The following C4orf51 variants were observed in gnomAD, a reference collection of about 807,000 sequenced individuals.
The protein encoded by C4orf51 is uncharacterized protein C4orf51.
In C4orf51, 25 loss-of-function variants were observed where a neutral mutation model predicts 25.2. That is an observed-to-expected ratio of 0.99 (90% CI 0.72 to 1.39). C4orf51 has a LOEUF of 1.39. Among genes scored for constraint, C4orf51 ranks in the 40% most tolerant of loss-of-function variants. The pLI is 0.00. For synonymous variants in C4orf51, 100 were observed against 84.5 expected, an observed-to-expected ratio of 1.18 and a Z score of -1.01; for missense variants, 252 against 239.6, an observed-to-expected ratio of 1.05 and a Z score of -0.34.
the C4orf51 span, among the ~76,000 whole-genome samples, chr4:145,782,296 G>GA: frequency 1.3e-5 from 2 of 152,214 alleles, no homozygotes; most frequent in African/African-American, 4.8e-5. Flanking sequence ...GCAGTCGGGG[G>GA]AGGAGTATTA....
chr4:145,752,173 G>C (rs899451619), intron 1 of C4orf51, among the ~76,000 whole-genome samples: 2 of 152,184 alleles, frequency 1.3e-5, no homozygotes, highest in African/African-American at 4.8e-5. Flanking sequence ...TAAGGTTCAA[G>C]ACAAAGTCCC....
intron 2 of C4orf51, among the ~76,000 whole-genome samples, chr4:145,706,635 A>G (rs1410996898): frequency 2.6e-5 from 4 of 152,126 alleles, no homozygotes; most frequent in Non-Finnish European, 5.9e-5. Flanking sequence ...CCTGTTACAA[A>G]AGAAAACAGA....
intron 1 of C4orf51, among the ~76,000 whole-genome samples, chr4:145,684,236 A>C (rs1215403933): frequency 6.6e-6 from 1 of 152,200 alleles, no homozygotes. Flanking sequence ...TAATCCCAGC[A>C]CTTTGGGAGG....
At chr4:145,693,062 C>A (rs542977747) in intron 1 of C4orf51, among the ~76,000 whole-genome samples, 239 of 101,968 alleles carry the variant, frequency 2.3e-3, no homozygotes, top group Middle Eastern at 0.019. Flanking sequence ...ATTGATAATT[C>A]TTGGGTGTTT....
In C4orf51 at chr4:145,765,952, A is replaced by G. The variant is rs1735220849; in HGVS notation, n.167-5036A>G. On this transcript the variant is annotated intron_variant and non_coding_transcript_variant, in intron 1 of 1. Transcript: ENST00000510096. The surrounding 1 kb of genome is among the most constrained non-coding windows in gnomAD (Gnocchi z 4.7). ...CCAAGAGCAGGCATTCATTAATTTG[A>G]CAAGTGTTTATTAAGGTCTTACATG... Among the ~76,000 whole-genome samples the G allele has an allele frequency of 6.6e-6, 1 of 152,152 alleles. No individual in the cohort carries two copies. The highest frequency in any genetic ancestry group is 6.5e-5 in the Admixed American group (1 of 15,278).
Position 145,685,542 on chromosome 4 carries a change from G to A in C4orf51, c.233+5106G>A, listed in dbSNP as rs540704183. Among the ~76,000 whole-genome samples the A allele has an allele frequency of 9.9e-5, 15 of 152,228 alleles. No individual in the cohort carries two copies. The East Asian group carries it at 1.5e-3, about 16-fold the overall frequency. ...GGTCGTGCTCAATTGAGCAAGCAGC[G>A]GGTAACGTGACTGGGGGCTGCATGC... On this transcript the variant is annotated intron_variant, in intron 1 of 5. Transcript: ENST00000438731.
chr4:145,696,633 G>C lies in C4orf51; in HGVS notation c.307+1G>C, dbSNP rs754697391. ...ACCCAAGAGACTACAGATATCAAAG[G>C]TAAGTGCAACATGATCAGTTTCTGG... On this transcript the variant is annotated splice_donor_variant, in intron 2 of 5. Coordinates refer to ENST00000438731, the MANE Select transcript of C4orf51 (RefSeq NM_001080531.3). LOFTEE classifies it high-confidence loss of function. The C allele has an allele frequency of 1.7e-5, 27 of 1,611,320 alleles. No homozygotes were observed. The South Asian group carries it at 3.0e-4, about 18-fold the overall frequency.
At chr4:145,692,978 T>TTTTTTTTC in intron 1 of C4orf51, among the ~76,000 whole-genome samples, 1 of 122,830 alleles carries the variant, frequency 8.1e-6, no homozygotes, top group Admixed American at 8.2e-5. Flanking sequence ...TTTTTTTTTT[T>TTTTTTTTC]TGTAAGTCCC....
intron 1 of C4orf51, among the ~76,000 whole-genome samples, chr4:145,689,973 G>C (rs547298924): frequency 8.6e-5 from 13 of 151,936 alleles, no homozygotes; most frequent in African/African-American, 3.1e-4. Context: ...GGGAGGCCTA[G>C]GTGGGCGGAT....
chr4:145,729,989 G>T, intron 5 of C4orf51, 24 bp downstream of exon 5: 1 of 1,603,234 alleles, frequency 6.2e-7, no homozygotes, highest in Non-Finnish European at 8.5e-7. Flanking sequence ...TACTTGCCAT[G>T]CAACAGTGGA....
intron 2 of C4orf51, among the ~76,000 whole-genome samples, chr4:145,705,471 C>T (rs943857876): frequency 6.6e-6 from 1 of 152,150 alleles, no homozygotes; most frequent in African/African-American, 2.4e-5. Context: ...ACATTTTCCC[C>T]CTCAAGAGTC....
At chr4:145,779,222 C>T in the C4orf51 span, 2 of 1,042,176 alleles carry the variant, frequency 1.9e-6, no homozygotes, top group Non-Finnish European at 1.3e-6. Flanking sequence ...TTTCCAAGGT[C>T]TTCTTTAAAC....
At chr4:145,720,896 T>A (rs185017707) in intron 2 of C4orf51, among the ~76,000 whole-genome samples, 39 of 152,336 alleles carry the variant, frequency 2.6e-4, no homozygotes, top group African/African-American at 9.4e-4. Flanking sequence ...GCCCAAGGTT[T>A]GCAACAAAGG....
chr4:145,768,079 G>C (rs1735589568), intron 1 of C4orf51, among the ~76,000 whole-genome samples: 1 of 152,204 alleles, frequency 6.6e-6, no homozygotes, highest in African/African-American at 2.4e-5. Flanking sequence ...TAGGAGGAGA[G>C]AAATGGAAGT....
At chr4:145,735,430 A>C (rs1486945730), downstream of C4orf51, among the ~76,000 whole-genome samples, 1 of 152,226 alleles carries the variant, frequency 6.6e-6, no homozygotes, top group Non-Finnish European at 1.5e-5. Flanking sequence ...TCTGTTACTA[A>C]GAGACAGACT....
Position 145,761,464 on chromosome 4 carries a change from G to T in C4orf51, n.167-9524G>T. 7.8e-7 allele frequency: 1 copy of T among 1,289,840 alleles called. No individual in the cohort carries two copies. Among genetic ancestry groups the T allele is most frequent in the Non-Finnish European group, 1.0e-6 (1 of 988,866 alleles). The allele number at this position is 1,289,840 out of a possible 1,614,324, so 79.9% of individuals were successfully genotyped here. ...GTGGTTGCCCAGGCGGTGCTCCCGGGTGTGCGTCTCCAGCTCCAGCTGGTT... is the reference window on the plus strand; with the variant it reads ...GTGGTTGCCCAGGCGGTGCTCCCGGTTGTGCGTCTCCAGCTCCAGCTGGTT... On this transcript the variant is annotated intron_variant and non_coding_transcript_variant, in intron 1 of 1. Coordinates refer to the C4orf51 transcript ENST00000510096. The surrounding 1 kb of genome is among the most constrained non-coding windows in gnomAD (Gnocchi z 6.8).
chr4:145,764,707 G>A lies in C4orf51; in HGVS notation n.167-6281G>A, dbSNP rs139446851. On this transcript the variant is annotated intron_variant and non_coding_transcript_variant, in intron 1 of 1. Coordinates refer to the C4orf51 transcript ENST00000510096. ...GTCTGAACAAAACTCAAGCAGTGTA[G>A]TCTATTCTTGCATGCTGGGTTGTTT... 1,092 of 449,902 alleles carry A rather than the reference G, an allele frequency of 2.4e-3. 10 individuals are homozygous for A. The highest frequency in any genetic ancestry group is 0.02 in the African/African-American group (992 of 50,716). 27.9% of individuals were successfully genotyped at this position (449,902 alleles called of 1,614,324 possible).
At chr4:145,712,624 A>G (rs1436806971) in intron 2 of C4orf51, among the ~76,000 whole-genome samples, 1 of 152,250 alleles carries the variant, frequency 6.6e-6, no homozygotes, top group Admixed American at 6.5e-5. Flanking sequence ...CATGTAAAGA[A>G]AGAAGCAATC....
intron 2 of C4orf51, among the ~76,000 whole-genome samples, chr4:145,700,318 C>T (rs995541130): frequency 6.6e-6 from 1 of 151,850 alleles, no homozygotes; most frequent in African/African-American, 2.4e-5. Context: ...GGTAAGAACC[C>T]CCAAATCCCT....
Sources: allele counts gnomAD v4.1 joint callset (sites outside exome capture counted in the v4.1 genomes callset), GRCh38; gene constraint gnomAD v4.1.1; non-coding constraint Gnocchi (gnomAD v3.1); transcripts MANE v1.5; gene names NCBI Gene and HGNC (gene_info 2026-07-23, HGNC 2026-07-21).